The following MAML3 variants were observed in gnomAD, a reference collection of about 807,000 sequenced individuals.
The protein encoded by MAML3 is mastermind like transcriptional coactivator 3.
In MAML3, 27 loss-of-function variants were observed where a neutral mutation model predicts 101.9. The ratio of observed to expected loss-of-function variants is 0.27; its 90% CI spans 0.20 to 0.37. The LOEUF (loss-of-function observed/expected upper bound fraction) is 0.37. Among genes scored for constraint, MAML3 ranks in the 10% least tolerant of loss-of-function variants. MAML3 has a pLI of 1.00. For missense variants in MAML3, 1,316 were observed against 1,444.9 expected, an observed-to-expected ratio of 0.91 and a Z score of 1.45; for synonymous variants, 501 against 555.9, an observed-to-expected ratio of 0.90 and a Z score of 1.39.
intron 1 of MAML3, among the ~76,000 whole-genome samples, chr4:140,094,016 G>A (rs991659213): frequency 6.6e-6 from 1 of 152,224 alleles, no homozygotes; most frequent in African/African-American, 2.4e-5. Flanking sequence ...GAAGAGACCT[G>A]TTCTAGCTGG....
intron 3 of MAML3, among the ~76,000 whole-genome samples, chr4:139,728,932 C>G (rs548122456): frequency 1.3e-5 from 2 of 152,162 alleles, no homozygotes; most frequent in East Asian, 3.9e-4. Context: ...CTCAAAACAT[C>G]AGGCACACCT....
At chr4:140,074,443 C>A (rs2110959401) in intron 1 of MAML3, among the ~76,000 whole-genome samples, 1 of 152,210 alleles carries the variant, frequency 6.6e-6, no homozygotes, top group South Asian at 2.1e-4. Context: ...ACAGGTTGAA[C>A]ATTTTTAATT....
chr4:140,022,825 A>G (rs1726753363), intron 1 of MAML3, among the ~76,000 whole-genome samples: 2 of 152,224 alleles, frequency 1.3e-5, no homozygotes, highest in African/African-American at 2.4e-5. Flanking sequence ...CAATAGAAGA[A>G]TGTATAACCC....
chr4:140,077,568 C>T (rs1368562893), intron 1 of MAML3, among the ~76,000 whole-genome samples: 1 of 152,212 alleles, frequency 6.6e-6, no homozygotes, highest in East Asian at 1.9e-4. Flanking sequence ...TTCACTTATC[C>T]TCAAAGTGGG....
chr4:140,014,539 C>G (rs924378405), intron 1 of MAML3, among the ~76,000 whole-genome samples: 1 of 152,180 alleles, frequency 6.6e-6, no homozygotes, highest in South Asian at 2.1e-4. Flanking sequence ...GCCTCATGTA[C>G]ATGAGGTAAA....
chr4:139,761,151 G>A (rs912571795), intron 2 of MAML3, among the ~76,000 whole-genome samples: 1 of 152,026 alleles, frequency 6.6e-6, no homozygotes, highest in Non-Finnish European at 1.5e-5. Context: ...GTAGAGATGG[G>A]GTTTCACCAT....
intron 2 of MAML3, among the ~76,000 whole-genome samples, chr4:139,775,597 C>A (rs191665835): frequency 6.6e-6 from 1 of 151,934 alleles, no homozygotes; most frequent in Non-Finnish European, 1.5e-5. Flanking sequence ...GCTGTGGGCC[C>A]GGAAAGGAAA....
intron 1 of MAML3, among the ~76,000 whole-genome samples, chr4:140,089,675 A>G (rs1728012155): frequency 6.6e-6 from 1 of 152,250 alleles, no homozygotes; most frequent in Admixed American, 6.5e-5. Context: ...GATGATATTC[A>G]CATGACATTC....
chr4:139,791,960 T>C (rs1578603274), intron 2 of MAML3, among the ~76,000 whole-genome samples: 1 of 152,226 alleles, frequency 6.6e-6, no homozygotes, highest in Non-Finnish European at 1.5e-5. Context: ...CTGTTAGTGG[T>C]GCTGGATATA....
chr4:139,909,868 G>A (rs1253024883), intron 1 of MAML3, among the ~76,000 whole-genome samples: 4 of 128,278 alleles, frequency 3.1e-5, no homozygotes, highest in Admixed American at 7.9e-5. Flanking sequence ...AGATAAGGCC[G>A]TAGAAATGAG....
chr4:139,786,528 C>A (rs1338215814), intron 2 of MAML3, among the ~76,000 whole-genome samples: 2 of 152,160 alleles, frequency 1.3e-5, no homozygotes, highest in Non-Finnish European at 2.9e-5. Flanking sequence ...TGTGGTTGCT[C>A]TTTAGCTTCT....
intron 1 of MAML3, among the ~76,000 whole-genome samples, chr4:139,982,718 A>G (rs1415548620): frequency 1.3e-5 from 2 of 152,158 alleles, no homozygotes; most frequent in African/African-American, 4.8e-5. Context: ...TATTAAGCTA[A>G]ACAAGAGTTC....
intron 2 of MAML3, among the ~76,000 whole-genome samples, chr4:139,854,216 C>A (rs1298192044): frequency 2.6e-5 from 4 of 151,962 alleles, no homozygotes; most frequent in Admixed American, 2.0e-4. Flanking sequence ...AGTCTGATGT[C>A]TACAAAGCTT....
At chr4:139,804,264 T>C (rs1730665755) in intron 2 of MAML3, among the ~76,000 whole-genome samples, 1 of 132,924 alleles carries the variant, frequency 7.5e-6, no homozygotes, top group Non-Finnish European at 1.6e-5. Context: ...GTGATCTCAC[T>C]AAGGATTTTT....
chr4:139,855,484 T>C (rs1731641020), intron 2 of MAML3, among the ~76,000 whole-genome samples: 1 of 152,222 alleles, frequency 6.6e-6, no homozygotes, highest in Non-Finnish European at 1.5e-5. Flanking sequence ...TGTATTAGAT[T>C]TATCATCCTA....
In MAML3 at chr4:140,120,035, A is replaced by G. The variant is rs62345606; in HGVS notation, c.468+32825T>C. Among the ~76,000 whole-genome samples, 282 of 152,122 alleles carry G rather than the reference A, an allele frequency of 1.9e-3. 2 individuals carry two copies. The highest frequency in any genetic ancestry group is 2.8e-3 in the Non-Finnish European group (189 of 68,000). ...GGCGGATCACGAGGTCAGGAGATCG[A>G]GACCATCCTGGCTAACACGGTGAAA... On this transcript the variant is annotated intron_variant, in intron 1 of 4. Transcript: ENST00000509479.
chr4:139,849,109 A>T (rs1489237171), intron 2 of MAML3, among the ~76,000 whole-genome samples: 1 of 152,168 alleles, frequency 6.6e-6, no homozygotes, highest in East Asian at 1.9e-4. Flanking sequence ...TGTTTCTTGC[A>T]CTGTGCATTA....
At chr4:139,858,357 A>T (rs769109587) in intron 2 of MAML3, among the ~76,000 whole-genome samples, 1 of 152,032 alleles carries the variant, frequency 6.6e-6, no homozygotes, top group Non-Finnish European at 1.5e-5. Flanking sequence ...GGTCATGTCC[A>T]ATTTGATAAA....
chr4:139,896,441 T>G (rs1732610813), intron 1 of MAML3, among the ~76,000 whole-genome samples: 1 of 152,208 alleles, frequency 6.6e-6, no homozygotes, highest in Admixed American at 6.5e-5. Flanking sequence ...TCCCATTAGG[T>G]GAAGCTGTGG....
Sources: gnomAD v4.1 joint callset for allele counts (sites outside exome capture counted in the v4.1 genomes callset) on GRCh38, gnomAD v4.1.1 for gene constraint, MANE v1.5 for transcripts, NCBI Gene and HGNC (gene_info 2026-07-23, HGNC 2026-07-21) for gene names.